The following CATSPERB variants were observed in gnomAD, a reference collection of about 807,000 sequenced individuals.
The protein encoded by CATSPERB is catsper channel auxiliary subunit beta.
CATSPERB carries 93 observed loss-of-function variants against 128.3 expected under a neutral mutation model. The ratio of observed to expected loss-of-function variants is 0.72; its 90% CI spans 0.61 to 0.86. The LOEUF is 0.86. Among genes scored for constraint, CATSPERB ranks in the 40% least tolerant of loss-of-function variants. The pLI, the probability that CATSPERB is intolerant of heterozygous loss-of-function variation, is 0.00. For missense variants in CATSPERB, 1,153 were observed against 1,329.5 expected (o/e 0.87, Z 2.06); for synonymous variants, 381 against 448.8 (o/e 0.85, Z 1.91).
Position 91,630,539 on chromosome 14 carries a change from C to T in CATSPERB, c.1743-5532G>A, listed in dbSNP as rs375401122. On this transcript the variant is annotated intron_variant, in intron 17 of 26. Coordinates refer to ENST00000256343, the MANE Select transcript of CATSPERB (RefSeq NM_024764.4). ...CTGCACTTTTCGTCTCGGAAAATGG[C>T]GGTAGCGTCCTTCTAGCTACAAACC... 5.9e-5 allele frequency among the ~76,000 whole-genome samples: 9 copies of T among 152,308 alleles called. No individual in the cohort carries two copies. The South Asian group carries it at 6.2e-4, about 11-fold the overall frequency.
intron 7 of CATSPERB, among the ~76,000 whole-genome samples, chr14:91,703,475 A>G (rs1371681144): frequency 6.6e-6 from 1 of 152,180 alleles, no homozygotes; most frequent in Non-Finnish European, 1.5e-5. Flanking sequence ...GCAACTCCTG[A>G]CAGACTCCCA....
At chr14:91,669,509 T>C (rs796920323) in intron 14 of CATSPERB, among the ~76,000 whole-genome samples, 4 of 152,278 alleles carry the variant, frequency 2.6e-5, no homozygotes, top group African/African-American at 9.6e-5. Context: ...AATACACTTT[T>C]GATGGGATTA....
At chr14:91,685,546 G>A (rs144689986) in intron 10 of CATSPERB, among the ~76,000 whole-genome samples, 2,767 of 152,208 alleles carry the variant, frequency 0.018, 34 homozygotes, top group South Asian at 0.052. Flanking sequence ...GATCTTGACC[G>A]GAACCTAAAA....
chr14:91,610,017 G>T (rs371054788), intron 21 of CATSPERB, among the ~76,000 whole-genome samples: 4 of 152,126 alleles, frequency 2.6e-5, no homozygotes, highest in African/African-American at 9.7e-5. Flanking sequence ...CACCACGCCT[G>T]GCTGATTTTT....
intron 14 of CATSPERB, among the ~76,000 whole-genome samples, chr14:91,666,599 C>T (rs1894987807): frequency 6.6e-6 from 1 of 152,180 alleles, no homozygotes; most frequent in Non-Finnish European, 1.5e-5. Flanking sequence ...GATGTAGTAG[C>T]AAAAGTCTGG....
intron 10 of CATSPERB, among the ~76,000 whole-genome samples, chr14:91,690,863 T>C (rs1895457062): frequency 6.6e-6 from 1 of 152,366 alleles, no homozygotes; most frequent in East Asian, 1.9e-4. Flanking sequence ...ATCTGCTCAC[T>C]CTATGAGGAC....
chr14:91,686,984 T>C (rs1375717053), intron 10 of CATSPERB, among the ~76,000 whole-genome samples: 2 of 152,160 alleles, frequency 1.3e-5, no homozygotes, highest in African/African-American at 4.8e-5. Context: ...ATGGATTTTT[T>C]CCTATGATAA....
chr14:91,716,177 A>C (rs1364285441), intron 5 of CATSPERB, among the ~76,000 whole-genome samples: 3 of 152,268 alleles, frequency 2.0e-5, no homozygotes, highest in Admixed American at 1.3e-4. Context: ...ATATGTGGTA[A>C]CACCCATATC....
chr14:91,670,167 A>T (rs926565033), intron 13 of CATSPERB, among the ~76,000 whole-genome samples, 195 bp from the exon 14 acceptor site: 7 of 152,222 alleles, frequency 4.6e-5, no homozygotes, highest in African/African-American at 1.7e-4. Context: ...TAGTTGTTGA[A>T]AATGAAGTTT....
At chr14:91,593,540 C>A (rs1298313968) in intron 22 of CATSPERB, among the ~76,000 whole-genome samples, 1 of 152,208 alleles carries the variant, frequency 6.6e-6, no homozygotes, top group Non-Finnish European at 1.5e-5. Context: ...GATCCTATAA[C>A]CCCTTGGTTT....
At chr14:91,675,708 G>A (rs1036032393) in intron 11 of CATSPERB, among the ~76,000 whole-genome samples, 2 of 152,106 alleles carry the variant, frequency 1.3e-5, no homozygotes, top group Non-Finnish European at 2.9e-5. Flanking sequence ...TTATCTACTT[G>A]CAACTTTCTT....
At chr14:91,671,971 G>A (rs189646875) in intron 13 of CATSPERB, among the ~76,000 whole-genome samples, 1,925 of 151,998 alleles carry the variant, frequency 0.013, 118 homozygotes, top group Admixed American at 0.11. Flanking sequence ...AGTGAGCCGA[G>A]ATTGCACCAC....
intron 19 of CATSPERB, among the ~76,000 whole-genome samples, chr14:91,619,135 A>C (rs1242013082): frequency 6.6e-6 from 1 of 152,200 alleles, no homozygotes; most frequent in Non-Finnish European, 1.5e-5. Context: ...GAATATAGAG[A>C]GATTACAATG....
chr14:91,695,951 C>A (rs1275067546), intron 7 of CATSPERB, among the ~76,000 whole-genome samples: 1 of 152,074 alleles, frequency 6.6e-6, no homozygotes, highest in Non-Finnish European at 1.5e-5. Context: ...CAGTTCTGAC[C>A]AATTTAATAC....
At position 91,693,431 on chromosome 14, in the gene CATSPERB, G is replaced by T. The variant is rs1895504743; in HGVS notation, c.665C>A (p.Thr222Asn). Residue 222 changes from threonine to asparagine, a missense_variant, in exon 8 of 27, where the codon ACC becomes AAC. Physicochemically the swap from Thr to Asn is moderately conservative, Grantham distance 65. Coordinates refer to ENST00000256343, the MANE Select transcript of CATSPERB (RefSeq NM_024764.4). ...TFGGFWHDYD[T>N]TWFNMTQTIY... ...AGTCTGTGTCATGTTAAACCATGTG[G>T]TATCATAATCATGCCAGAATCCACC... 3.1e-6 allele frequency: 5 copies of T among 1,614,034 alleles called. No homozygotes were observed. The highest frequency in any genetic ancestry group is 1.6e-4 in the Middle Eastern group (1 of 6,062).
intron 18 of CATSPERB, among the ~76,000 whole-genome samples, chr14:91,622,596 T>C (rs1198148290): frequency 2.0e-5 from 3 of 152,162 alleles, no homozygotes; most frequent in Admixed American, 1.3e-4. Flanking sequence ...ATGAAACATG[T>C]CATCAATACT....
At chr14:91,625,086 A>C in intron 17 of CATSPERB, 79 bp from the exon 18 acceptor site, 1 of 851,182 alleles carries the variant, frequency 1.2e-6, no homozygotes, top group African/African-American at 1.7e-5. Flanking sequence ...AATAATTTAC[A>C]AAGAAAGTAT....
intron 24 of CATSPERB, 88 bp downstream of exon 24, chr14:91,589,446 G>T (rs1370816020): frequency 7.5e-7 from 1 of 1,327,710 alleles, no homozygotes; most frequent in Admixed American, 2.3e-5. Flanking sequence ...TCTTTTGTGT[G>T]AACAGGCTTT....
intron 14 of CATSPERB, among the ~76,000 whole-genome samples, chr14:91,667,704 T>A (rs1460304887): frequency 6.6e-6 from 1 of 152,208 alleles, no homozygotes; most frequent in Non-Finnish European, 1.5e-5. Flanking sequence ...CTGCACCTTC[T>A]CAGGGAAAGA....
Sources: gnomAD v4.1 joint callset for allele counts (sites outside exome capture counted in the v4.1 genomes callset) on GRCh38, gnomAD v4.1.1 for gene constraint, MANE v1.5 for transcripts, NCBI Gene and HGNC (gene_info 2026-07-23, HGNC 2026-07-21) for gene names.